Variants in RAB11FIP4 observed in about 807,000 individuals in gnomAD.
RAB11FIP4 encodes the protein RAB11 family interacting protein 4.
In RAB11FIP4, 23 loss-of-function variants were observed where a neutral mutation model predicts 74.3. The ratio of observed to expected loss-of-function variants is 0.31; its 90% confidence interval spans 0.22 to 0.44. RAB11FIP4 has a LOEUF of 0.44. Among genes scored for constraint, RAB11FIP4 ranks in the 20% least tolerant of loss-of-function variants. The probability of loss-of-function intolerance (pLI) is 1.00; values close to 1 mark genes in which losing one functional copy is unlikely to be tolerated. For synonymous variants in RAB11FIP4, 360 were observed against 359.9 expected, an observed-to-expected ratio of 1.00 and a Z score of 0.00; for missense variants, 630 against 863.9, an observed-to-expected ratio of 0.73 and a Z score of 3.39.
chr17:31,431,514 AGCCTCG>A, intron 1 of RAB11FIP4: 1 of 305,574 alleles, frequency 3.3e-6, no homozygotes, highest in South Asian at 6.1e-5. Flanking sequence ...ACATCGGCAG[AGCCTCG>A]GCTTTCATTG....
At chr17:31,431,155 C>T (rs2071306018) in intron 1 of RAB11FIP4, among the ~76,000 whole-genome samples, 1 of 152,118 alleles carries the variant, frequency 6.6e-6, no homozygotes, top group Non-Finnish European at 1.5e-5. Context: ...TTATGATGAA[C>T]CCACCGGGCA....
chr17:31,442,462 T>G (rs1334974475), intron 3 of RAB11FIP4, among the ~76,000 whole-genome samples: 1 of 152,246 alleles, frequency 6.6e-6, no homozygotes, highest in African/African-American at 2.4e-5. Flanking sequence ...AGCTTGTTAT[T>G]GTAAATAAAG....
At chr17:31,524,838 C>T (rs1031352655) in intron 9 of RAB11FIP4, 5 of 565,466 alleles carry the variant, frequency 8.8e-6, no homozygotes, top group Admixed American at 6.4e-5. Flanking sequence ...CTGGTGGGGG[C>T]GGTCCCTCCC....
chr17:31,470,822 C>G (rs949076902), intron 3 of RAB11FIP4, among the ~76,000 whole-genome samples: 1 of 152,204 alleles, frequency 6.6e-6, no homozygotes, highest in African/African-American at 2.4e-5. Flanking sequence ...CTATAAACTC[C>G]TGGCAGGAGG....
chr17:31,517,871 A>G lies in RAB11FIP4; in HGVS notation c.557A>G (p.Glu186Gly). ...DGGLGGLFLP[E>G]DKSLVHTPSM... ...GGACTTGGGGGCCTGTTTCTGCCAG[A>G]AGACAAGTGAGTTAAAACCACCTGA... The change falls in exon 4 of 15, where the codon GAA becomes GGA. Residue 186 changes from glutamate (E) to glycine (G), a missense_variant. Coordinates refer to ENST00000621161, the MANE Select transcript of RAB11FIP4 (RefSeq NM_032932.6). 1 of 1,551,422 alleles carries G rather than the reference A, an allele frequency of 6.4e-7. No homozygotes were observed. Among genetic ancestry groups the G allele is most frequent in the East Asian group, 2.4e-5 (1 of 40,910 alleles).
At chr17:31,407,284 A>G (rs938035450) in intron 1 of RAB11FIP4, among the ~76,000 whole-genome samples, 4 of 152,036 alleles carry the variant, frequency 2.6e-5, no homozygotes, top group Admixed American at 2.6e-4. Flanking sequence ...CCTGGGATCA[A>G]GCAATCCTCC....
chr17:31,414,259 T>C (rs964220873), intron 1 of RAB11FIP4, among the ~76,000 whole-genome samples: 1 of 152,354 alleles, frequency 6.6e-6, no homozygotes, highest in Middle Eastern at 3.4e-3. Context: ...CTACACACTT[T>C]TATGCTATTC....
intron 3 of RAB11FIP4, among the ~76,000 whole-genome samples, chr17:31,447,112 G>A (rs938074813): frequency 1.1e-4 from 16 of 152,150 alleles, no homozygotes; most frequent in South Asian, 4.1e-4. Context: ...GTGAAACCCC[G>A]TCTCCACTAA....
chr17:31,443,968 G>T (rs929692228), intron 3 of RAB11FIP4, among the ~76,000 whole-genome samples: 14 of 152,156 alleles, frequency 9.2e-5, no homozygotes, highest in African/African-American at 3.1e-4. Flanking sequence ...ACCTGAGCCT[G>T]AGCCCAAATT....
At chr17:31,494,152 G>C (rs1365029213) in intron 3 of RAB11FIP4, among the ~76,000 whole-genome samples, 1 of 152,130 alleles carries the variant, frequency 6.6e-6, no homozygotes, top group African/African-American at 2.4e-5. Flanking sequence ...GATGGTTAGA[G>C]AGGCAGGCCA....
chr17:31,510,728 T>C (rs2072436852), intron 3 of RAB11FIP4, among the ~76,000 whole-genome samples: 1 of 152,116 alleles, frequency 6.6e-6, no homozygotes, highest in Non-Finnish European at 1.5e-5. Flanking sequence ...TCTGGCTTCC[T>C]GCAGCCAAAA....
chr17:31,487,750 T>G (rs942847599), intron 3 of RAB11FIP4, among the ~76,000 whole-genome samples: 1 of 152,026 alleles, frequency 6.6e-6, no homozygotes, highest in Non-Finnish European at 1.5e-5. Flanking sequence ...AGCGCCTACC[T>G]GGCAGGGGCG....
chr17:31,528,897 C>T, intron 13 of RAB11FIP4, 119 bp downstream of exon 13: 1 of 1,165,536 alleles, frequency 8.6e-7, no homozygotes, highest in Non-Finnish European at 1.2e-6. Flanking sequence ...CTGTCTGCTT[C>T]TCAGCAACCT....
chr17:31,517,891 A>G lies in RAB11FIP4; in HGVS notation c.563+14A>G, dbSNP rs3744618. On this transcript the variant is annotated intron_variant, in intron 4 of 14. Coordinates refer to ENST00000621161, the MANE Select transcript of RAB11FIP4 (RefSeq NM_032932.6). ...GCCAGAAGACAAGTGAGTTAAAACCACCTGAAGCTCCATATTTGCCCTCTC... is the reference window on the plus strand; with the variant it reads ...GCCAGAAGACAAGTGAGTTAAAACCGCCTGAAGCTCCATATTTGCCCTCTC... 465,309 of 1,542,588 alleles carry G rather than the reference A, an allele frequency of 0.3. 77,401 individuals are homozygous for G. The highest frequency in any genetic ancestry group is 0.62 in the East Asian group (25,078 of 40,742).
At chr17:31,530,816 A>G (rs988051556) in intron 14 of RAB11FIP4, among the ~76,000 whole-genome samples, 1 of 152,162 alleles carries the variant, frequency 6.6e-6, no homozygotes, top group Non-Finnish European at 1.5e-5. Flanking sequence ...GAGGGAGGAC[A>G]TTAGCATTTC....
chr17:31,429,742 T>C (rs555737364), intron 1 of RAB11FIP4, among the ~76,000 whole-genome samples: 2 of 149,710 alleles, frequency 1.3e-5, no homozygotes, highest in African/African-American at 4.9e-5. Context: ...GGCAGGAGAA[T>C]CTCTTGAACC....
intron 3 of RAB11FIP4, among the ~76,000 whole-genome samples, chr17:31,505,564 A>ATATT (rs58063833): frequency 4.6e-5 from 4 of 86,222 alleles, no homozygotes; most frequent in Admixed American, 2.0e-4. Context: ...TAATAATTAT[A>ATATT]ATATATAATA....
chr17:31,426,753 C>T (rs1402986222), intron 1 of RAB11FIP4, among the ~76,000 whole-genome samples: 1 of 151,868 alleles, frequency 6.6e-6, no homozygotes, highest in African/African-American at 2.4e-5. Context: ...TGCACACCAC[C>T]ATGCCCAGCT....
intron 1 of RAB11FIP4, among the ~76,000 whole-genome samples, chr17:31,424,962 AGAT>A (rs1006676504): frequency 2.0e-5 from 3 of 152,200 alleles, no homozygotes; most frequent in Non-Finnish European, 4.4e-5. Flanking sequence ...AGCAGAATAC[AGAT>A]TTATTCTTTC....
Sources: allele counts gnomAD v4.1 joint callset (sites outside exome capture counted in the v4.1 genomes callset), GRCh38; gene constraint gnomAD v4.1.1; transcripts MANE v1.5; gene names NCBI Gene and HGNC (gene_info 2026-07-23, HGNC 2026-07-21).